Variants in ADCK2 observed in about 807,000 individuals in gnomAD.
The protein encoded by ADCK2 is uncharacterized aarF domain-containing protein kinase 2.
Under a neutral mutation model 52.3 loss-of-function variants are expected in ADCK2, and 37 were observed. The ratio of observed to expected loss-of-function variants is 0.71; its 90% CI spans 0.54 to 0.93. The LOEUF is 0.93. Among genes scored for constraint, ADCK2 ranks in the 40% least tolerant of loss-of-function variants. ADCK2 has a pLI of 0.00. For synonymous variants in ADCK2, 321 were observed against 349.2 expected, an observed-to-expected ratio of 0.92 and a Z score of 0.90; for missense variants, 695 against 798.7, an observed-to-expected ratio of 0.87 and a Z score of 1.56.
chr7:140,686,840 C>T (rs897579675), intron 4 of ADCK2, 150 bp from the exon 5 acceptor site: 2 of 973,102 alleles, frequency 2.1e-6, no homozygotes, highest in Non-Finnish European at 3.0e-6. Context: ...TCTGAGTTGA[C>T]ATCTAAACAA....
At chr7:140,676,398 T>C (rs1404299312) in intron 2 of ADCK2, among the ~76,000 whole-genome samples, 8 of 152,234 alleles carry the variant, frequency 5.3e-5, no homozygotes, top group Admixed American at 5.2e-4. Context: ...TACAGAGCAA[T>C]GTAATTTGAT....
chr7:140,693,716 T>C lies in ADCK2; in HGVS notation c.1741-947T>C, dbSNP rs1348478134. 6.6e-6 allele frequency among the ~76,000 whole-genome samples: 1 copy of C among 152,162 alleles called. No individual in the cohort carries two copies. The highest frequency in any genetic ancestry group is 1.5e-5 in the Non-Finnish European group (1 of 68,030). ...TCAATTGTGTGTTGTCTCTGATTTT[T>C]TTTATTTTTTTGAGATGGAGTTTCA... On this transcript the variant is annotated intron_variant, in intron 7 of 7. Transcript: ENST00000072869. The surrounding 1 kb of genome is among the most constrained non-coding windows in gnomAD (Gnocchi z 4.0).
chr7:140,681,819 C>A (rs535238903), intron 4 of ADCK2, among the ~76,000 whole-genome samples: 2 of 152,088 alleles, frequency 1.3e-5, no homozygotes, highest in East Asian at 3.9e-4. Context: ...TAGGGACTTA[C>A]TATGTTGTCC....
Position 140,674,271 on chromosome 7 carries a change from T to C in ADCK2, c.933+8T>C. 1 of 1,603,932 alleles carries C rather than the reference T, an allele frequency of 6.2e-7. No homozygotes were observed. The highest frequency in any genetic ancestry group is 1.3e-5 in the African/African-American group (1 of 74,666). ...ATCTCCGTGGCAGTGAAAGTAAGTG[T>C]TGTGAGAGCTCACAGCTCACCTACC... is the stretch of plus-strand genomic sequence containing the variant. On this transcript the variant is annotated splice_region_variant and intron_variant, in intron 1 of 7. Transcript: ENST00000072869. The surrounding 1 kb of genome is among the most constrained non-coding windows in gnomAD (Gnocchi z 4.6).
At chr7:140,690,642 T>C (rs983850580) in intron 6 of ADCK2, 118 bp from the exon 7 acceptor site, 1 of 835,970 alleles carries the variant, frequency 1.2e-6, no homozygotes, top group Non-Finnish European at 1.9e-6. Flanking sequence ...GACTGGTGTA[T>C]GTGTGCCCTG....
At chr7:140,679,990 G>A (rs993226483) in intron 3 of ADCK2, among the ~76,000 whole-genome samples, 1 of 152,152 alleles carries the variant, frequency 6.6e-6, no homozygotes, top group Non-Finnish European at 1.5e-5. Context: ...CCTCTTTACA[G>A]ATGGTGATAT....
intron 6 of ADCK2, among the ~76,000 whole-genome samples, 164 bp downstream of exon 6, chr7:140,689,889 T>A (rs1563210660): frequency 6.6e-6 from 1 of 152,046 alleles, no homozygotes; most frequent in Non-Finnish European, 1.5e-5. Context: ...GTGAAGTCCG[T>A]TGTGCTCAAG....
In ADCK2 at chr7:140,691,944, TTGC is replaced by T. The variant is rs1174357992; in HGVS notation, c.1740+1146_1740+1148del. Among the ~76,000 whole-genome samples the T allele has an allele frequency of 8.5e-5, 13 of 152,190 alleles. No homozygotes were observed. The East Asian group carries it at 2.1e-3, about 25-fold the overall frequency. On this transcript the variant is annotated intron_variant, in intron 7 of 7. Coordinates refer to ENST00000072869, the MANE Select transcript of ADCK2 (RefSeq NM_052853.4). ...ACGGTGGGTGAGGGGCCTTGAGTGTTTGCTGCTGCTGCTGCTGTTCCCAGGATG... is the reference window on the plus strand; with the variant it reads ...ACGGTGGGTGAGGGGCCTTGAGTGTTTGCTGCTGCTGCTGTTCCCAGGATG...
chr7:140,688,303 C>G (rs539813327), intron 5 of ADCK2, among the ~76,000 whole-genome samples: 1 of 152,242 alleles, frequency 6.6e-6, no homozygotes, highest in South Asian at 2.1e-4. Context: ...CTCAGCCTCC[C>G]AAGGTGCTGG....
intron 2 of ADCK2, among the ~76,000 whole-genome samples, chr7:140,675,642 C>G (rs551239300): frequency 6.6e-6 from 1 of 152,338 alleles, no homozygotes; most frequent in East Asian, 1.9e-4. Context: ...GCTGTAACTG[C>G]CTGGGCCCAG....
intron 6 of ADCK2, among the ~76,000 whole-genome samples, 200 bp from the exon 7 acceptor site, chr7:140,690,560 G>A (rs1313057727): frequency 6.6e-6 from 1 of 152,048 alleles, no homozygotes; most frequent in Admixed American, 6.6e-5. Context: ...CTCTGTGACC[G>A]AGTCTTGAGG....
At position 140,673,862 on chromosome 7, in the gene ADCK2, C is replaced by T. The variant is rs768909247; in HGVS notation, c.532C>T (p.Pro178Ser). ...GCTGCATGTCCGAGTGACGCCCCAC[C>T]CGTGGACTCACACTGAGCGCTTCCT... ...SKLHVRVTPHPWTHTERFLRQ... is the reference protein window; with the variant it reads ...SKLHVRVTPHSWTHTERFLRQ... The change falls in exon 1 of 8, where the codon CCG becomes TCG. Residue 178 changes from proline to serine, a missense_variant. Pro to Ser is a moderately conservative substitution (Grantham distance 74). Transcript: ENST00000072869. The surrounding 1 kb of genome is among the most constrained non-coding windows in gnomAD (Gnocchi z 6.4). 4.3e-6 allele frequency: 7 copies of T among 1,614,066 alleles called. No homozygotes were observed. Among genetic ancestry groups the T allele is most frequent in the Non-Finnish European group, 4.2e-6 (5 of 1,180,050 alleles).
Position 140,678,740 on chromosome 7 carries a change from G to A in ADCK2, c.1081-415G>A, listed in dbSNP as rs1022929486. 3.3e-5 allele frequency among the ~76,000 whole-genome samples: 5 copies of A among 152,102 alleles called. No individual in the cohort carries two copies. In the East Asian group the frequency reaches 5.8e-4, roughly 18 times the overall value. On this transcript the variant is annotated intron_variant, in intron 2 of 7. Coordinates refer to ENST00000072869, the MANE Select transcript of ADCK2 (RefSeq NM_052853.4). This position sits in a 1 kb window ranked among gnomAD's most constrained non-coding sequence, Gnocchi z 4.9. ...TCGATGCGGTGGGTGGAGAGCTGCC[G>A]CGAGATGAAGGGGTAGCCCTGTGTG... is the stretch of plus-strand genomic sequence containing the variant.
At position 140,693,893 on chromosome 7, in the gene ADCK2, T is replaced by G. The variant is rs1794750509; in HGVS notation, c.1741-770T>G. On this transcript the variant is annotated intron_variant, in intron 7 of 7. Coordinates refer to ENST00000072869, the MANE Select transcript of ADCK2 (RefSeq NM_052853.4). The surrounding 1 kb of genome is among the most constrained non-coding windows in gnomAD (Gnocchi z 4.0). ...CCCGGCTGATTTTTTGTATTTTTAG[T>G]AGAGGCAGGGTTTCACTGTGTCAGC... Among the ~76,000 whole-genome samples, 1 of 151,960 alleles carries G rather than the reference T, an allele frequency of 6.6e-6. No individual in the cohort carries two copies. The highest frequency in any genetic ancestry group is 2.4e-5 in the African/African-American group (1 of 41,384).
chr7:140,680,491 C>T (rs893864636), intron 3 of ADCK2, among the ~76,000 whole-genome samples: 1 of 150,320 alleles, frequency 6.7e-6, no homozygotes, highest in Non-Finnish European at 1.5e-5. Flanking sequence ...GGTCTCCTTA[C>T]GTTGCCCAGA....
intron 5 of ADCK2, among the ~76,000 whole-genome samples, chr7:140,689,022 C>T (rs1311107302): frequency 6.6e-6 from 1 of 151,092 alleles, no homozygotes; most frequent in Non-Finnish European, 1.5e-5. Flanking sequence ...GGCTGGAGTG[C>T]AGTGGTACGA....
chr7:140,679,426 C>G lies in ADCK2; in HGVS notation c.1209+143C>G, dbSNP rs570657391. 3.2e-6 allele frequency: 4 copies of G among 1,244,064 alleles called. No homozygotes were observed. The Admixed American group carries it at 9.1e-5, about 28-fold the overall frequency. 77.1% of individuals were successfully genotyped at this position (1,244,064 alleles called of 1,614,324 possible). On this transcript the variant is annotated intron_variant, in intron 3 of 7. Transcript: ENST00000072869. Reference sequence around the variant, plus strand: ...GTGAGGAGCTGGGATGTGTTGGCCTCGGCGGGAGGCAGTGTTGGAGTGAGG... The same window carrying G: ...GTGAGGAGCTGGGATGTGTTGGCCTGGGCGGGAGGCAGTGTTGGAGTGAGG...
intron 7 of ADCK2, among the ~76,000 whole-genome samples, chr7:140,691,261 C>T (rs1320262910): frequency 6.6e-6 from 1 of 152,174 alleles, no homozygotes; most frequent in Non-Finnish European, 1.5e-5. Context: ...AGTAACAAGC[C>T]ATTTGCAACA....
chr7:140,674,834 A>G lies in ADCK2; in HGVS notation c.1080+77A>G. On this transcript the variant is annotated intron_variant, in intron 2 of 7. Transcript: ENST00000072869. The surrounding 1 kb of genome is among the most constrained non-coding windows in gnomAD (Gnocchi z 4.6). Reference sequence around the variant, plus strand: ...TTAGCTGCTACTTAGTAAATGTTGAATGAATAATTTTCTGGTATGTCATAA... The same window carrying G: ...TTAGCTGCTACTTAGTAAATGTTGAGTGAATAATTTTCTGGTATGTCATAA... The G allele has an allele frequency of 6.7e-7, 1 of 1,498,974 alleles. No individual in the cohort carries two copies. Among genetic ancestry groups the G allele is most frequent in the Non-Finnish European group, 9.0e-7 (1 of 1,107,998 alleles). 92.9% of individuals were successfully genotyped at this position (1,498,974 alleles called of 1,614,324 possible). A position where few individuals can be genotyped will look rare whatever the true frequency, so the allele number is the denominator to read the frequency against.
Sources: gnomAD v4.1 joint callset for allele counts (sites outside exome capture counted in the v4.1 genomes callset) on GRCh38, gnomAD v4.1.1 for gene constraint, Gnocchi (gnomAD v3.1) non-coding constraint, MANE v1.5 for transcripts, NCBI Gene and HGNC (gene_info 2026-07-23, HGNC 2026-07-21) for gene names.